Variants in LRMDA observed in about 807,000 individuals in gnomAD.
The protein encoded by LRMDA is leucine rich melanocyte differentiation associated, also known as leucine-rich melanocyte differentiation-associated protein.
Under a neutral mutation model 29.8 loss-of-function variants are expected in LRMDA, and 18 were observed. The observed-to-expected ratio is 0.60, with a 90% CI of 0.42 to 0.90. LRMDA has a LOEUF of 0.90. Ranked by LOEUF, LRMDA falls within the 40% of genes least tolerant of loss-of-function variation. The pLI, the probability that LRMDA is intolerant of heterozygous loss-of-function variation, is 0.00. For missense variants in LRMDA, 273 were observed against 273.9 expected, an observed-to-expected ratio of 1.00 and a Z score of 0.02; for synonymous variants, 125 against 109.4, an observed-to-expected ratio of 1.14 and a Z score of -0.89.
At chr10:76,385,692 C>T (rs1564527003) in intron 6 of LRMDA, among the ~76,000 whole-genome samples, 1 of 152,148 alleles carries the variant, frequency 6.6e-6, no homozygotes, top group Non-Finnish European at 1.5e-5. Context: ...TTTCTAGCTC[C>T]TTCATATCCC....
intron 5 of LRMDA, among the ~76,000 whole-genome samples, chr10:76,262,695 C>G (rs949620648): frequency 6.6e-6 from 1 of 152,214 alleles, no homozygotes; most frequent in Non-Finnish European, 1.5e-5. Flanking sequence ...CAGATTCTTT[C>G]CCAAGCTTCC....
chr10:76,050,149 G>A (rs1848504894), intron 4 of LRMDA, among the ~76,000 whole-genome samples: 1 of 152,174 alleles, frequency 6.6e-6, no homozygotes, highest in South Asian at 2.1e-4. Flanking sequence ...ATTTCCATGG[G>A]AGATGTTGAT....
chr10:76,180,106 C>T (rs532857558), intron 5 of LRMDA, among the ~76,000 whole-genome samples: 47 of 151,790 alleles, frequency 3.1e-4, no homozygotes, highest in African/African-American at 1.1e-3. Flanking sequence ...AGTGGAAATG[C>T]GTTAGTTTCG....
intron 2 of LRMDA, among the ~76,000 whole-genome samples, chr10:76,014,146 TTATATA>T (rs1164189530): frequency 6.8e-5 from 5 of 73,008 alleles, no homozygotes; most frequent in South Asian, 9.1e-4. Flanking sequence ...ATATATATAA[TTATATA>T]TATATATAAT....
chr10:76,445,676 G>A (rs1842347625), intron 6 of LRMDA, among the ~76,000 whole-genome samples: 1 of 152,172 alleles, frequency 6.6e-6, no homozygotes, highest in Admixed American at 6.6e-5. Context: ...GTTTGAGTTG[G>A]AGTCCCTCCT....
At position 76,376,986 on chromosome 10, in the gene LRMDA, C is replaced by T. The variant is rs534199480; in HGVS notation, c.601+52501C>T. ...CTGGAAGCTCCACCACCTGGGTTCACACCATTCTCCTGCCTCAGCCTCCTG... is the reference window on the plus strand; with the variant it reads ...CTGGAAGCTCCACCACCTGGGTTCATACCATTCTCCTGCCTCAGCCTCCTG... On this transcript the variant is annotated intron_variant, in intron 6 of 6. Coordinates refer to ENST00000611255, the MANE Select transcript of LRMDA (RefSeq NM_001305581.2). 4.1e-5 allele frequency among the ~76,000 whole-genome samples: 6 copies of T among 145,166 alleles called. No individual in the cohort carries two copies. The Admixed American group carries it at 4.2e-4, about 10-fold the overall frequency.
At chr10:75,780,418 C>T (rs1420409065) in intron 2 of LRMDA, among the ~76,000 whole-genome samples, 1 of 151,946 alleles carries the variant, frequency 6.6e-6, no homozygotes, top group African/African-American at 2.4e-5. Flanking sequence ...GGGTACAGTA[C>T]CAAGAGTAAG....
chr10:76,394,907 A>G lies in LRMDA; in HGVS notation c.601+70422A>G, dbSNP rs71475604. 5.5e-3 allele frequency among the ~76,000 whole-genome samples: 845 copies of G among 152,254 alleles called. 13 individuals carry two copies. The highest frequency in any genetic ancestry group is 0.025 in the Admixed American group (386 of 15,284). On this transcript the variant is annotated intron_variant, in intron 6 of 6. Transcript: ENST00000611255. ...TATTTCCTGAAACATGCTTGCCATT[A>G]CTCAAGTGGCATACAAAATAAAATT...
At chr10:75,468,763 TA>T (rs1468422785) in intron 2 of LRMDA, among the ~76,000 whole-genome samples, 1 of 151,720 alleles carries the variant, frequency 6.6e-6, no homozygotes, top group African/African-American at 2.4e-5. Context: ...AGTGGGGAGA[TA>T]GGGGCCTGTC....
intron 5 of LRMDA, among the ~76,000 whole-genome samples, chr10:76,239,941 TACAC>T: frequency 6.6e-6 from 1 of 151,926 alleles, no homozygotes; most frequent in Admixed American, 6.6e-5. Context: ...TATATATACA[TACAC>T]AAGCATATGT....
chr10:75,909,512 G>A (rs1845810960), intron 2 of LRMDA, among the ~76,000 whole-genome samples: 1 of 151,804 alleles, frequency 6.6e-6, no homozygotes, highest in Non-Finnish European at 1.5e-5. Flanking sequence ...TTGCACTGAT[G>A]TATTTTTTTT....
chr10:76,199,446 G>A (rs1249632569), intron 5 of LRMDA, among the ~76,000 whole-genome samples: 1 of 152,084 alleles, frequency 6.6e-6, no homozygotes, highest in African/African-American at 2.4e-5. Flanking sequence ...TATCCTTAAA[G>A]TAGGGATAAT....
chr10:76,358,615 A>G (rs1224472114), intron 6 of LRMDA, among the ~76,000 whole-genome samples: 5 of 152,216 alleles, frequency 3.3e-5, no homozygotes, highest in African/African-American at 1.2e-4. Flanking sequence ...GGGTTGGGGT[A>G]CACTGTCTTT....
rs200245651 is a variant in LRMDA at position 75,682,137 on chromosome 10, C to T, written c.131+243643C>T. 2.4e-4 allele frequency among the ~76,000 whole-genome samples: 37 copies of T among 152,264 alleles called. No homozygotes were observed. The East Asian group carries it at 3.5e-3, about 14-fold the overall frequency. ...ATGCAAGACCTAGGTTGAAATTAAA[C>T]CTAGGATTAAACTCAGAATTCTACC... is the stretch of plus-strand genomic sequence containing the variant. On this transcript the variant is annotated intron_variant, in intron 2 of 6. Transcript: ENST00000611255.
intron 6 of LRMDA, among the ~76,000 whole-genome samples, chr10:76,468,711 T>G (rs1044251557): frequency 6.6e-6 from 1 of 152,178 alleles, no homozygotes; most frequent in East Asian, 1.9e-4. Context: ...TGGAAAAAAC[T>G]GTAGGGATTT....
rs186785333 is a variant in LRMDA, at chr10:75,950,540, C to T, written c.132-85468C>T. 1.3e-4 allele frequency among the ~76,000 whole-genome samples: 20 copies of T among 152,334 alleles called. 2 individuals are homozygous for T. In the East Asian group the frequency reaches 3.9e-3, roughly 29 times the overall value. On this transcript the variant is annotated intron_variant, in intron 2 of 6. Transcript: ENST00000611255. ...CATTTTGTGTTTGTTCTGAGATGTT[C>T]ATTCCTTTCATTCCTGCTTGTTTAG...
At chr10:75,751,611 A>G (rs1426750374) in intron 2 of LRMDA, among the ~76,000 whole-genome samples, 8 of 152,192 alleles carry the variant, frequency 5.3e-5, no homozygotes, top group Non-Finnish European at 1.0e-4. Context: ...GCCCTTGCCC[A>G]TAGTAAGCAC....
At chr10:75,704,818 T>A (rs1323086596) in intron 2 of LRMDA, among the ~76,000 whole-genome samples, 3 of 152,224 alleles carry the variant, frequency 2.0e-5, no homozygotes, top group African/African-American at 7.2e-5. Context: ...CTTTCTGCAC[T>A]TCTGTTTTCC....
At chr10:75,659,554 CTG>C (rs1841723058) in intron 2 of LRMDA, among the ~76,000 whole-genome samples, 1 of 152,202 alleles carries the variant, frequency 6.6e-6, no homozygotes, top group African/African-American at 2.4e-5. Context: ...CACTGAAAGA[CTG>C]TATTATCTCA....
Sources: gnomAD v4.1 joint callset for allele counts (sites outside exome capture counted in the v4.1 genomes callset) on GRCh38, gnomAD v4.1.1 for gene constraint, MANE v1.5 for transcripts, NCBI Gene and HGNC (gene_info 2026-07-23, HGNC 2026-07-21) for gene names.